The following ZNF454 variants were observed in gnomAD, a reference collection of about 807,000 sequenced individuals.
The protein encoded by ZNF454 is zinc finger protein 454.
In ZNF454, 30 loss-of-function variants were observed where a neutral mutation model predicts 48.2. The observed-to-expected ratio is 0.62, with a 90% CI of 0.47 to 0.84. The LOEUF (loss-of-function observed/expected upper bound fraction) is 0.84. Among genes scored for constraint, ZNF454 ranks in the 40% least tolerant of loss-of-function variants. The pLI, the probability that ZNF454 is intolerant of heterozygous loss-of-function variation, is 0.00. For missense variants in ZNF454, 510 were observed against 623.1 expected, an observed-to-expected ratio of 0.82 and a Z score of 1.93; for synonymous variants, 204 against 211.4, an observed-to-expected ratio of 0.97 and a Z score of 0.30.
chr5:178,976,175 G>A, the ZNF454 span: 3 of 450,020 alleles, frequency 6.7e-6, no homozygotes, highest in Admixed American at 2.4e-5. Flanking sequence ...GATGAAGCCT[G>A]TACTGGATTG....
At chr5:178,971,956 T>C in the ZNF454 span, among the ~76,000 whole-genome samples, 2 of 152,136 alleles carry the variant, frequency 1.3e-5, no homozygotes, top group African/African-American at 4.8e-5. Context: ...TTTTTTGAGA[T>C]GGAGTCTCAC....
the ZNF454 span, chr5:178,985,527 C>A: frequency 2.9e-6 from 1 of 339,298 alleles, no homozygotes; most frequent in Non-Finnish European, 5.8e-6. Flanking sequence ...CACGGTGAAG[C>A]CCTGTCTCTA....
At chr5:178,963,117 G>T (rs1457228379) in intron 4 of ZNF454, among the ~76,000 whole-genome samples, 2 of 151,806 alleles carry the variant, frequency 1.3e-5, no homozygotes, top group African/African-American at 2.4e-5. Flanking sequence ...ACAAGCCACT[G>T]AGTATTGGGA....
intron 4 of ZNF454, among the ~76,000 whole-genome samples, chr5:178,951,048 T>C (rs980147414): frequency 4.6e-5 from 7 of 151,946 alleles, no homozygotes; most frequent in African/African-American, 9.7e-5. Context: ...TTAGTAGAGA[T>C]GGGGTTTCAC....
chr5:178,949,154 G>A (rs995915310), intron 4 of ZNF454, among the ~76,000 whole-genome samples: 2 of 152,066 alleles, frequency 1.3e-5, no homozygotes, highest in Non-Finnish European at 2.9e-5. Flanking sequence ...GAGTTCAAGC[G>A]ATTCTCCTGC....
the ZNF454 span, chr5:178,989,215 T>TCCCCCCCCCCCCCCCCCCCCC: frequency 1.1e-6 from 1 of 886,714 alleles, no homozygotes; most frequent in Non-Finnish European, 1.6e-6. Context: ...CTCCCCACCC[T>TCCCCCCCCCCCCCCCCCCCCC]CACCACCCTC....
At chr5:178,974,301 GT>G in the ZNF454 span, among the ~76,000 whole-genome samples, 2 of 143,262 alleles carry the variant, frequency 1.4e-5, no homozygotes, top group East Asian at 2.0e-4. Flanking sequence ...TGTTGTGGTT[GT>G]TGTGGTTGTG....
chr5:178,981,955 T>C, the ZNF454 span: 27 of 862,408 alleles, frequency 3.1e-5, no homozygotes, highest in Admixed American at 5.1e-5. This position sits in a 1 kb window ranked among gnomAD's most constrained non-coding sequence, Gnocchi z 5.1. Context: ...TCTGTTTCAG[T>C]TGGGGAACTG....
chr5:178,956,395 C>T (rs73334723), intron 4 of ZNF454, among the ~76,000 whole-genome samples: 15,659 of 151,926 alleles, frequency 0.1, 1,077 homozygotes, highest in African/African-American at 0.2. Flanking sequence ...GGAAGACTAA[C>T]GTCCTTTTTG....
the ZNF454 span, chr5:178,977,391 G>A: frequency 8.8e-6 from 4 of 455,864 alleles, no homozygotes; most frequent in Admixed American, 4.7e-5. Flanking sequence ...AGAACAAGCA[G>A]GCAGCCCTCA....
rs928712891 is a variant in ZNF454, at chr5:178,946,204, C to A, written c.34-155C>A. ...AGTCCAAGGCTAGGCCCCTAGGAGACCCTGAAGAGTGATGAACTTGTCACA... is the reference window on the plus strand; with the variant it reads ...AGTCCAAGGCTAGGCCCCTAGGAGAACCTGAAGAGTGATGAACTTGTCACA... On this transcript the variant is annotated intron_variant, in intron 2 of 4. Coordinates refer to ENST00000519564, the MANE Select transcript of ZNF454 (RefSeq NM_001178089.3). The surrounding 1 kb of genome is among the most constrained non-coding windows in gnomAD (Gnocchi z 4.5). 3.9e-5 allele frequency among the ~76,000 whole-genome samples: 6 copies of A among 152,218 alleles called. 1 individual carries two copies. The South Asian group carries it at 1.2e-3, about 32-fold the overall frequency.
chr5:178,950,861 CT>C (rs560753478), intron 4 of ZNF454, among the ~76,000 whole-genome samples: 3,147 of 141,110 alleles, frequency 0.022, 38 homozygotes, highest in Non-Finnish European at 0.031. Flanking sequence ...CCATTTCTTT[CT>C]TTTTTTTTTT....
At position 178,965,383 on chromosome 5, in the gene ZNF454, C is replaced by T; in HGVS notation, c.979C>T (p.Pro327Ser). 4 of 1,614,078 alleles carry T rather than the reference C, an allele frequency of 2.5e-6. No homozygotes were observed. Among genetic ancestry groups the T allele is most frequent in the Non-Finnish European group, 3.4e-6 (4 of 1,180,014 alleles). The part of the protein sequence containing the change: ...KHQNIHSGEK[P>S]YKCNECGKAF... ...CCAGAATATCCACAGTGGAGAGAAA[C>T]CCTATAAATGCAATGAATGTGGAAA... is the stretch of plus-strand genomic sequence containing the variant. The change falls in exon 5 of 5, where the codon CCC (proline) becomes TCC (serine). Residue 327 changes from proline (P) to serine (S), a missense_variant. Coordinates refer to ENST00000519564, the MANE Select transcript of ZNF454 (RefSeq NM_001178089.3). This position sits in a 1 kb window ranked among gnomAD's most constrained non-coding sequence, Gnocchi z 5.2.
At chr5:178,987,608 C>T in the ZNF454 span, 4 of 372,002 alleles carry the variant, frequency 1.1e-5, no homozygotes, top group African/African-American at 2.1e-5. Context: ...CGAGGGTAGA[C>T]AATTCATAGA....
chr5:178,949,489 C>T (rs112741137), intron 4 of ZNF454, among the ~76,000 whole-genome samples: 1,983 of 152,250 alleles, frequency 0.013, 48 homozygotes, highest in African/African-American at 0.045. Context: ...GCTATGATGA[C>T]GTGCTGGTCA....
At chr5:178,970,854 A>G (rs906321053), downstream of ZNF454, among the ~76,000 whole-genome samples, 1 of 152,226 alleles carries the variant, frequency 6.6e-6, no homozygotes, top group Non-Finnish European at 1.5e-5. Context: ...ACACTAATGC[A>G]TGGCCAAAAG....
chr5:178,967,572 T>C (rs754430332), downstream of ZNF454, among the ~76,000 whole-genome samples: 2 of 152,194 alleles, frequency 1.3e-5, no homozygotes, highest in African/African-American at 2.4e-5. Flanking sequence ...TAAAGACTCA[T>C]GCTGACAGTG....
rs761660619 is a variant in ZNF454 at position 178,946,966 on chromosome 5, C to G, written c.230C>G (p.Thr77Ser). Residue 77 changes from threonine to serine, a missense_variant, in exon 4 of 5, where the codon ACC becomes AGC. By Grantham distance (58) the Thr-to-Ser change is moderately conservative. Transcript: ENST00000519564. This position sits in a 1 kb window ranked among gnomAD's most constrained non-coding sequence, Gnocchi z 4.5. ...AGGGAAGTGTGGATGCCAGAGGACACCCCTGGAGGCTTCTGTCTTGGTAAG... is the reference window on the plus strand; with the variant it reads ...AGGGAAGTGTGGATGCCAGAGGACAGCCCTGGAGGCTTCTGTCTTGGTAAG... ...EKREVWMPED[T>S]PGGFCLDWMT... The G allele has an allele frequency of 6.2e-7, 1 of 1,614,058 alleles. No homozygotes were observed. Among genetic ancestry groups the G allele is most frequent in the Non-Finnish European group, 8.5e-7 (1 of 1,179,968 alleles).
chr5:178,985,842 A>G, the ZNF454 span: 1,300 of 539,852 alleles, frequency 2.4e-3, 13 homozygotes, highest in African/African-American at 0.021. Flanking sequence ...GCTCACAGCA[A>G]CCTTCAACTC....
Sources: allele counts gnomAD v4.1 joint callset (sites outside exome capture counted in the v4.1 genomes callset), GRCh38; gene constraint gnomAD v4.1.1; non-coding constraint Gnocchi (gnomAD v3.1); transcripts MANE v1.5; gene names NCBI Gene and HGNC (gene_info 2026-07-23, HGNC 2026-07-21).